The following ZNF638 variants were observed in gnomAD, a reference collection of about 807,000 sequenced individuals.
ZNF638 encodes the protein CTCL tumor antigen se33-1.
In ZNF638, 46 loss-of-function variants were observed where a neutral mutation model predicts 195.6. The observed-to-expected ratio is 0.24, with a 90% CI of 0.19 to 0.30. The LOEUF is 0.30. Among genes scored for constraint, ZNF638 ranks in the 10% least tolerant of loss-of-function variants. The pLI is 1.00. For synonymous variants in ZNF638, 845 were observed against 772.0 expected (o/e 1.09, Z -1.57); for missense variants, 2,440 against 2,325.3 (o/e 1.05, Z -1.01).
intron 8 of ZNF638, among the ~76,000 whole-genome samples, chr2:71,372,514 T>G (rs1398826893): frequency 6.6e-6 from 1 of 152,184 alleles, no homozygotes. Flanking sequence ...GGGGCCAGAT[T>G]AGGGAGGTGT....
At chr2:71,365,388 A>AT (rs763139734) in intron 5 of ZNF638, 41 bp from the exon 6 acceptor site, 19 of 1,482,324 alleles carry the variant, frequency 1.3e-5, no homozygotes, top group African/African-American at 4.3e-5. Context: ...TCCTACCTTA[A>AT]TTTTTTTCCA....
chr2:71,426,648 G>T lies in ZNF638; in HGVS notation c.4779G>T (p.Glu1593Asp). ...KGKTSTPRGV[E>D]GELSFVTLDE... is the part of the protein sequence containing the mutation. ...AAACTTCCACTCCTCGTGGTGTTGA[G>T]GGAGAACTATCTTTTGTGACATTGG... The change falls in exon 24 of 28, where the codon GAG becomes GAT. Residue 1593 changes from glutamate (E) to aspartate (D), a missense_variant. By Grantham distance (45) the Glu-to-Asp change is conservative. Coordinates refer to ENST00000264447, the MANE Select transcript of ZNF638 (RefSeq NM_014497.5). The T allele has an allele frequency of 6.2e-7, 1 of 1,614,184 alleles. No homozygotes were observed. Among genetic ancestry groups the T allele is most frequent in the Non-Finnish European group, 8.5e-7 (1 of 1,180,026 alleles).
chr2:71,368,043 C>A (rs1248023357), intron 6 of ZNF638, among the ~76,000 whole-genome samples: 1 of 151,880 alleles, frequency 6.6e-6, no homozygotes, highest in Non-Finnish European at 1.5e-5. Flanking sequence ...CATGTAGTTT[C>A]ATAGAAAAAT....
At chr2:71,343,266 G>A (rs2078793087) in intron 1 of ZNF638, among the ~76,000 whole-genome samples, 1 of 152,096 alleles carries the variant, frequency 6.6e-6, no homozygotes, top group Admixed American at 6.5e-5. Flanking sequence ...CTAAAAAGTA[G>A]CCTGGTGACT....
chr2:71,424,717 TA>T lies in ZNF638; in HGVS notation c.4590+8del. 6.2e-7 allele frequency: 1 copy of T among 1,611,184 alleles called. No homozygotes were observed. Among genetic ancestry groups the T allele is most frequent in the East Asian group, 2.2e-5 (1 of 44,786 alleles). On this transcript the variant is annotated splice_donor_region_variant and intron_variant, in intron 23 of 27. Transcript: ENST00000264447. ...GGTAGAAGTTCCAAATCTAAAGAGG[TA>T]AAAAATAGATCACAGACCCTAACCC... is the stretch of plus-strand genomic sequence containing the variant.
At chr2:71,420,505 G>T (rs922669283) in intron 21 of ZNF638, among the ~76,000 whole-genome samples, 1 of 152,130 alleles carries the variant, frequency 6.6e-6, no homozygotes, top group Non-Finnish European at 1.5e-5. Context: ...CCAGTTTAAG[G>T]TTTCTCAGAA....
In ZNF638 at chr2:71,394,569, A is replaced by G. The variant is rs61257504; in HGVS notation, c.2378-1572A>G. ...CAATATATCTAATTTAAATATTACTAGTATTATGGTATTAAGGAGACAATC... is the reference window on the plus strand; with the variant it reads ...CAATATATCTAATTTAAATATTACTGGTATTATGGTATTAAGGAGACAATC... On this transcript the variant is annotated intron_variant, in intron 10 of 27. Coordinates refer to ENST00000264447, the MANE Select transcript of ZNF638 (RefSeq NM_014497.5). 0.053 allele frequency among the ~76,000 whole-genome samples: 8,099 copies of G among 152,156 alleles called. 978 individuals carry two copies. The East Asian group carries it at 0.56, about 10-fold the overall frequency.
In ZNF638 at chr2:71,426,847, C is replaced by G. The variant is rs2080550012; in HGVS notation, c.4978C>G (p.Pro1660Ala). Residue 1660 changes from proline (P) to alanine (A), a missense_variant, in exon 24 of 28, where the codon CCT becomes GCT. By Grantham distance (27) the Pro-to-Ala change is conservative. This residue lies in a region of ZNF638 where 1,883 missense variants were observed against 1,739.1 expected (regional missense o/e 1.08). Coordinates refer to ENST00000264447, the MANE Select transcript of ZNF638 (RefSeq NM_014497.5). ...DQDDCISHSEPKDVTVLSVAE... is the reference protein window; with the variant it reads ...DQDDCISHSEAKDVTVLSVAE... ...AGATGATTGCATTTCCCACAGTGAACCTAAAGATGTTACTGTTCTGTCAGT... is the reference window on the plus strand; with the variant it reads ...AGATGATTGCATTTCCCACAGTGAAGCTAAAGATGTTACTGTTCTGTCAGT... The G allele has an allele frequency of 1.9e-6, 3 of 1,613,694 alleles. No individual in the cohort carries two copies. The Admixed American group carries it at 5.0e-5, about 27-fold the overall frequency.
chr2:71,417,928 C>A (rs2080337653), intron 20 of ZNF638, among the ~76,000 whole-genome samples: 1 of 152,162 alleles, frequency 6.6e-6, no homozygotes, highest in Non-Finnish European at 1.5e-5. Context: ...TAGAAGACTT[C>A]TACCCAGAGA....
At chr2:71,399,400 T>TA (rs563622990) in intron 12 of ZNF638, among the ~76,000 whole-genome samples, 159 bp from the exon 13 acceptor site, 7 of 152,116 alleles carry the variant, frequency 4.6e-5, no homozygotes, top group Non-Finnish European at 1.0e-4. Context: ...CTTTTAATCT[T>TA]ACTGGGAAAG....
intron 15 of ZNF638, 57 bp from the exon 16 acceptor site, chr2:71,401,897 CTT>C: frequency 2.1e-6 from 3 of 1,446,694 alleles, no homozygotes; most frequent in African/African-American, 2.9e-5. Context: ...ACAGTATAAA[CTT>C]AAGTAAATAT....
chr2:71,349,290 A>C lies in ZNF638; in HGVS notation c.336A>C (p.Ala112=). 1 of 1,614,208 alleles carries C rather than the reference A, an allele frequency of 6.2e-7. No individual in the cohort carries two copies. Residue 112 remains alanine (A), a synonymous_variant, in exon 2 of 28, where the codon GCA becomes GCC. Coordinates refer to ENST00000264447, the MANE Select transcript of ZNF638 (RefSeq NM_014497.5). The part of the protein sequence containing the change: ...SRWDDEPHIS[A]SVAVKQSSVT... ...GGGATGATGAGCCTCATATATCTGC[A>C]TCAGTGGCAGTGAAACAGAGTTCTG...
At chr2:71,375,807 A>C (rs2079410925) in intron 8 of ZNF638, 1 of 152,224 alleles carries the variant, frequency 6.6e-6, no homozygotes, top group South Asian at 2.1e-4. Context: ...AGTGGAGAAG[A>C]GCACTGAAGT....
intron 20 of ZNF638, chr2:71,408,772 TA>T (rs1482143577): frequency 2.3e-6 from 1 of 440,752 alleles, no homozygotes; most frequent in Non-Finnish European, 4.6e-6. Flanking sequence ...TGTATGCTGA[TA>T]TCAGAGGTAA....
At chr2:71,343,961 T>G (rs1399082077) in intron 1 of ZNF638, among the ~76,000 whole-genome samples, 1 of 130,470 alleles carries the variant, frequency 7.7e-6, no homozygotes, top group Non-Finnish European at 1.7e-5. Flanking sequence ...AAACCCCGTC[T>G]CTACTAAAAA....
At chr2:71,399,493 T>C (rs1326366954) in intron 12 of ZNF638, 66 bp from the exon 13 acceptor site, 62 of 1,087,240 alleles carry the variant, frequency 5.7e-5, no homozygotes, top group Non-Finnish European at 5.5e-6. Flanking sequence ...ACTAATACAT[T>C]AGTGTGAAAC....
chr2:71,388,794 CA>C, intron 10 of ZNF638: 2 of 810,292 alleles, frequency 2.5e-6, no homozygotes, highest in Non-Finnish European at 4.3e-6. Context: ...CATCATGAGA[CA>C]ACAGCTGTCC....
chr2:71,388,464 C>G (rs758919043), intron 10 of ZNF638: 1 of 690,496 alleles, frequency 1.4e-6, no homozygotes, highest in Admixed American at 2.0e-5. Flanking sequence ...GTGTTGGCTC[C>G]AGGCCTTTGT....
Position 71,349,851 on chromosome 2 carries a change from A to G in ZNF638, c.897A>G (p.Ser299=). The part of the protein sequence containing the change: ...SGTKMSGLHI[S]GGQSVLEPIK... ...CCAAGATGTCAGGCTTACACATTTC[A>G]GGAGGACAGTCAGTCCTTGAACCCA... is the stretch of plus-strand genomic sequence containing the variant. The change falls in exon 2 of 28, where the codon TCA becomes TCG. Residue 299 remains serine (S), a synonymous_variant. Transcript: ENST00000264447. 1 of 1,614,220 alleles carries G rather than the reference A, an allele frequency of 6.2e-7. No homozygotes were observed. The highest frequency in any genetic ancestry group is 2.2e-5 in the East Asian group (1 of 44,886).
Sources: allele counts gnomAD v4.1 joint callset (sites outside exome capture counted in the v4.1 genomes callset), GRCh38; gene constraint gnomAD v4.1.1; regional missense constraint gnomAD v4.1.1; transcripts MANE v1.5; gene names NCBI Gene and HGNC (gene_info 2026-07-23, HGNC 2026-07-21).